Variants in CADM2 observed in about 807,000 individuals in gnomAD.
The protein encoded by CADM2 is cell adhesion molecule 2, also known as immunoglobulin superfamily member 4D.
Under a neutral mutation model 49.8 loss-of-function variants are expected in CADM2, and 12 were observed. The ratio of observed to expected loss-of-function variants is 0.24; its 90% confidence interval spans 0.15 to 0.39. CADM2 has a LOEUF of 0.39. CADM2 is among the 10% of genes least tolerant of loss of function. CADM2 has a pLI of 1.00. For missense variants in CADM2, 378 were observed against 492.3 expected (o/e 0.77, Z 2.20); for synonymous variants, 214 against 175.4 (o/e 1.22, Z -1.74).
rs1293791465 is a variant in CADM2, at chr3:86,072,342, A to T, written c.*5559A>T. 2 of 151,500 alleles carry T rather than the reference A, an allele frequency of 1.3e-5. No homozygotes were observed. Among genetic ancestry groups the T allele is most frequent in the Non-Finnish European group, 2.9e-5 (2 of 67,836 alleles). 9.4% of individuals were successfully genotyped at this position (151,500 alleles called of 1,614,324 possible). ...CTCAAGAAACTCAAGTTATATATATATGTCAAGAAATGTATGATTATTTTG... is the reference window on the plus strand; with the variant it reads ...CTCAAGAAACTCAAGTTATATATATTTGTCAAGAAATGTATGATTATTTTG... On this transcript the variant is annotated 3_prime_UTR_variant, in exon 10 of 10. Transcript: ENST00000383699.
At chr3:86,048,285 A>G (rs922402516) in intron 8 of CADM2, among the ~76,000 whole-genome samples, 2 of 151,914 alleles carry the variant, frequency 1.3e-5, no homozygotes, top group African/African-American at 4.8e-5. Flanking sequence ...CAGCCTTTTG[A>G]AAGTGCTCAC....
chr3:86,013,868 T>C lies in CADM2; in HGVS notation c.971-51737T>C. On this transcript the variant is annotated intron_variant, in intron 8 of 9. Transcript: ENST00000383699. ...GATTTTCTTCCAAAATGAAAGTTGT[T>C]GCTTCTAGACTTTTAGAAAAATATC... 5 of 1,594,654 alleles carry C rather than the reference T, an allele frequency of 3.1e-6. No homozygotes were observed. The South Asian group carries it at 5.5e-5, about 18-fold the overall frequency.
intron 3 of CADM2, among the ~76,000 whole-genome samples, chr3:85,836,687 G>A (rs959842371): frequency 6.6e-6 from 1 of 151,598 alleles, no homozygotes; most frequent in African/African-American, 2.4e-5. Flanking sequence ...GTGCACTGAA[G>A]AAGATATCCA....
intron 1 of CADM2, among the ~76,000 whole-genome samples, chr3:85,260,458 A>C (rs1477198148): frequency 6.6e-6 from 1 of 152,162 alleles, no homozygotes; most frequent in Non-Finnish European, 1.5e-5. Flanking sequence ...AAGTAGACAG[A>C]TCCTCAACAT....
At chr3:85,042,574 C>T (rs528270410) in intron 1 of CADM2, among the ~76,000 whole-genome samples, 6 of 151,986 alleles carry the variant, frequency 3.9e-5, no homozygotes, top group South Asian at 4.2e-4. Flanking sequence ...ATTTCTTTTC[C>T]ATGTCTATCA....
chr3:85,148,003 G>A (rs989684612), intron 1 of CADM2, among the ~76,000 whole-genome samples: 1 of 152,110 alleles, frequency 6.6e-6, no homozygotes, highest in African/African-American at 2.4e-5. Context: ...GCTGTTGTTG[G>A]AGCAATGATC....
At chr3:85,517,639 T>C (rs180697902) in intron 1 of CADM2, among the ~76,000 whole-genome samples, 91 of 152,292 alleles carry the variant, frequency 6.0e-4, no homozygotes, top group Admixed American at 2.4e-3. Context: ...TTCTTCAAGC[T>C]GCACAGTTAT....
intron 1 of CADM2, among the ~76,000 whole-genome samples, chr3:85,329,202 G>A (rs1389664916): frequency 5.9e-5 from 9 of 152,214 alleles, no homozygotes; most frequent in African/African-American, 2.2e-4. Context: ...TGTTCTTTAA[G>A]CCACTCAGTT....
At chr3:84,979,014 G>C (rs1267402416) in intron 1 of CADM2, among the ~76,000 whole-genome samples, 1 of 152,084 alleles carries the variant, frequency 6.6e-6, no homozygotes, top group East Asian at 1.9e-4. Context: ...CCATCACCCG[G>C]GGAAACAGCT....
intron 8 of CADM2, among the ~76,000 whole-genome samples, chr3:86,053,759 T>A: frequency 6.6e-6 from 1 of 152,208 alleles, no homozygotes; most frequent in Middle Eastern, 3.4e-3. Flanking sequence ...AAATCTAAAT[T>A]TGTTATGAAA....
At chr3:85,365,481 TTAGTAA>T (rs1382023338) in intron 1 of CADM2, among the ~76,000 whole-genome samples, 3 of 152,140 alleles carry the variant, frequency 2.0e-5, no homozygotes, top group Non-Finnish European at 4.4e-5. Context: ...TTTATTTCTG[TTAGTAA>T]TAGCCTTGGT....
intron 1 of CADM2, among the ~76,000 whole-genome samples, chr3:85,708,433 C>G (rs1418912403): frequency 6.6e-6 from 1 of 152,008 alleles, no homozygotes; most frequent in Non-Finnish European, 1.5e-5. Context: ...GGGTATTGCA[C>G]CTCAACAAGC....
intron 1 of CADM2, among the ~76,000 whole-genome samples, chr3:85,357,703 T>C (rs529524772): frequency 6.6e-6 from 1 of 152,156 alleles, no homozygotes; most frequent in African/African-American, 2.4e-5. Context: ...GGCTCTCACA[T>C]TTCAGGGCCT....
chr3:85,785,523 G>C (rs1392539752), intron 2 of CADM2, among the ~76,000 whole-genome samples: 1 of 151,854 alleles, frequency 6.6e-6, no homozygotes, highest in Non-Finnish European at 1.5e-5. Flanking sequence ...CACAATTCTA[G>C]GTTTCATGGA....
intron 3 of CADM2, among the ~76,000 whole-genome samples, chr3:85,871,154 A>G (rs1330403570): frequency 6.6e-6 from 1 of 152,336 alleles, no homozygotes; most frequent in Non-Finnish European, 1.5e-5. Context: ...ACAAAGGTCT[A>G]ATATCCAGCA....
At chr3:86,033,733 G>A (rs1375007289) in intron 8 of CADM2, among the ~76,000 whole-genome samples, 3 of 141,318 alleles carry the variant, frequency 2.1e-5, no homozygotes, top group African/African-American at 2.6e-5. Flanking sequence ...ACTTGAAGTG[G>A]ATCAGAAGCC....
chr3:85,902,471 T>C (rs1452753629), intron 5 of CADM2, among the ~76,000 whole-genome samples: 2 of 151,920 alleles, frequency 1.3e-5, no homozygotes, highest in Non-Finnish European at 2.9e-5. Context: ...TACAGTTTTA[T>C]AATCTCGGCT....
At chr3:85,541,267 G>A (rs1279026665) in intron 1 of CADM2, among the ~76,000 whole-genome samples, 1 of 107,498 alleles carries the variant, frequency 9.3e-6, no homozygotes, top group African/African-American at 2.6e-5. Flanking sequence ...TCATGTATGT[G>A]TATATATGTC....
At chr3:85,155,719 A>T (rs1326647390) in intron 1 of CADM2, among the ~76,000 whole-genome samples, 19 of 152,200 alleles carry the variant, frequency 1.2e-4, no homozygotes. Context: ...ATGTAAAAGA[A>T]CTGAAATTAT....
Sources: allele counts gnomAD v4.1 joint callset (sites outside exome capture counted in the v4.1 genomes callset), GRCh38; gene constraint gnomAD v4.1.1; transcripts MANE v1.5; gene names NCBI Gene and HGNC (gene_info 2026-07-23, HGNC 2026-07-21).